Variants in SLC15A3 observed in about 807,000 individuals in gnomAD.
SLC15A3 encodes osteoclast transporter.
SLC15A3 carries 39 observed loss-of-function variants against 49.2 expected under a neutral mutation model. That is an observed-to-expected ratio of 0.79 (90% CI 0.61 to 1.04). The LOEUF is 1.04. Among genes scored for constraint, SLC15A3 ranks in the 50% least tolerant of loss-of-function variants. The pLI is 0.00. For synonymous variants in SLC15A3, 339 were observed against 367.0 expected, an observed-to-expected ratio of 0.92 and a Z score of 0.87; for missense variants, 758 against 794.8, an observed-to-expected ratio of 0.95 and a Z score of 0.56.
rs1012238156 is a variant in SLC15A3 at position 60,941,411 on chromosome 11, T to C, written c.1108-121A>G. 1.8e-5 allele frequency: 17 copies of C among 962,772 alleles called. 1 individual carries two copies. Among genetic ancestry groups the C allele is most frequent in the Admixed American group, 2.9e-5 (1 of 34,066 alleles). The allele number at this position is 962,772 out of a possible 1,614,324, so 59.6% of individuals were successfully genotyped here. ...CTGGGGTCCAGCTCCTTTCCCTCTC[T>C]GGAGTTCATGCTCCTCAGCTGTGTA... is the stretch of plus-strand genomic sequence containing the variant. On this transcript the variant is annotated intron_variant, in intron 4 of 7. Coordinates refer to ENST00000227880, the MANE Select transcript of SLC15A3 (RefSeq NM_016582.3).
chr11:60,946,421 G>C, intron 2 of SLC15A3, 111 bp downstream of exon 2: 3 of 1,241,742 alleles, frequency 2.4e-6, no homozygotes, highest in Admixed American at 2.7e-5. Context: ...ATCATAAAAA[G>C]CTATCACTGT....
At chr11:60,942,688 G>C (rs946701125) in intron 3 of SLC15A3, 1 of 154,552 alleles carries the variant, frequency 6.5e-6, no homozygotes, top group Non-Finnish European at 1.4e-5. Context: ...CTGGGGCAGG[G>C]GAGAGCATGT....
In SLC15A3 at chr11:60,939,816, T is replaced by C. The variant is rs182982774; in HGVS notation, c.1277-178A>G. On this transcript the variant is annotated intron_variant, in intron 5 of 7. Coordinates refer to ENST00000227880, the MANE Select transcript of SLC15A3 (RefSeq NM_016582.3). ...AGGGGGCCAAGATGTGACCAACTCC[T>C]CCCTTTTGGTCTTGGCTGCTAGAAG... 196 of 664,438 alleles carry C rather than the reference T, an allele frequency of 2.9e-4. 1 individual carries two copies. The highest frequency in any genetic ancestry group is 4.4e-4 in the Admixed American group (14 of 32,062). 41.2% of individuals were successfully genotyped at this position (664,438 alleles called of 1,614,324 possible). A position where few individuals can be genotyped will look rare whatever the true frequency, so the allele number is the denominator to read the frequency against.
At chr11:60,950,807 A>C (rs977502833) in intron 1 of SLC15A3, among the ~76,000 whole-genome samples, 187 bp downstream of exon 1, 2 of 152,252 alleles carry the variant, frequency 1.3e-5, no homozygotes, top group East Asian at 1.9e-4. Context: ...TAAAACAAAC[A>C]AAAAAACAAC....
Position 60,937,306 on chromosome 11 carries a change from AGCCGTG to A in SLC15A3, c.1653_1658del (p.Thr552_Ala553del), listed in dbSNP as rs1856631227. The A allele has an allele frequency of 6.2e-7, 1 of 1,613,966 alleles. No homozygotes were observed. Among genetic ancestry groups the A allele is most frequent in the Admixed American group, 1.7e-5 (1 of 59,994 alleles). ...GTCCAGCGATCCAGACAAATAGGAGAGCCGTGACGGCCTGAATGCCAGCCAGCAGGA... is the reference window on the plus strand; with the variant it reads ...GTCCAGCGATCCAGACAAATAGGAGAACGGCCTGAATGCCAGCCAGCAGGA... On this transcript the variant is annotated inframe_deletion, in exon 8 of 8. Coordinates refer to ENST00000227880, the MANE Select transcript of SLC15A3 (RefSeq NM_016582.3).
intron 2 of SLC15A3, among the ~76,000 whole-genome samples, chr11:60,944,542 C>A (rs1856773304): frequency 6.6e-6 from 1 of 152,184 alleles, no homozygotes; most frequent in Admixed American, 6.5e-5. Context: ...TGTGGCCCCT[C>A]TGAGTCCTGA....
chr11:60,947,800 G>A (rs1371888433), intron 1 of SLC15A3: 1 of 152,150 alleles, frequency 6.6e-6, no homozygotes, highest in Non-Finnish European at 1.5e-5. Context: ...ATCAGCAACA[G>A]CCAGGCCCCA....
At position 60,943,777 on chromosome 11, in the gene SLC15A3, G is replaced by T. The variant is rs77943698; in HGVS notation, c.908C>A (p.Pro303Gln). ...DERSPQPGASPQEDIANFQVL... is the reference protein window; with the variant it reads ...DERSPQPGASQQEDIANFQVL... ...CTGGAAGTTGGCGATGTCCTCTTGCGGGGAAGCCCCTGGCTGGGGAGACCT... is the reference window on the plus strand; with the variant it reads ...CTGGAAGTTGGCGATGTCCTCTTGCTGGGAAGCCCCTGGCTGGGGAGACCT... Residue 303 changes from proline (P) to glutamine (Q), a missense_variant, in exon 3 of 8, where the codon CCG (proline) becomes CAG (glutamine). Pro to Gln is a moderately conservative substitution (Grantham distance 76). Around this residue, in one of 3 missense-constraint regions of SLC15A3, gnomAD observed 699 missense variants for 706.7 expected, o/e 0.99. Transcript: ENST00000227880. The T allele has an allele frequency of 7.0e-3, 11,239 of 1,603,946 alleles. 417 individuals are homozygous for T. The African/African-American group carries it at 0.084, about 12-fold the overall frequency.
In SLC15A3 at chr11:60,946,668, C is replaced by T. The variant is rs1268343446; in HGVS notation, c.712G>A (p.Gly238Ser). The change falls in exon 2 of 8, where the codon GGC (glycine) becomes AGC (serine). Residue 238 changes from glycine (G) to serine (S), a missense_variant. Coordinates refer to ENST00000227880, the MANE Select transcript of SLC15A3 (RefSeq NM_016582.3). ...LGYSIPVGCV[G>S]LAFFIFLFAT... ...AAGAGGAAGATGAAAAATGCCAGGC[C>T]CACACAGCCCACAGGGATGCTGTAG... 3 of 1,614,012 alleles carry T rather than the reference C, an allele frequency of 1.9e-6. No individual in the cohort carries two copies. Among genetic ancestry groups the T allele is most frequent in the Middle Eastern group, 1.6e-4 (1 of 6,084 alleles).
At chr11:60,949,557 AAAG>A (rs1565129985) in intron 1 of SLC15A3, among the ~76,000 whole-genome samples, 3,664 of 83,066 alleles carry the variant, frequency 0.044, 153 homozygotes, top group South Asian at 0.1. Context: ...AGAAAGAAAG[AAAG>A]AAAGAAAGAA....
intron 1 of SLC15A3, among the ~76,000 whole-genome samples, chr11:60,948,714 A>T (rs1856841504): frequency 6.6e-6 from 1 of 152,224 alleles, no homozygotes; most frequent in African/African-American, 2.4e-5. Flanking sequence ...TCAGGTCCCG[A>T]CTTCATGAGG....
At chr11:60,940,979 C>T in intron 5 of SLC15A3, 143 bp downstream of exon 5, 1 of 835,546 alleles carries the variant, frequency 1.2e-6, no homozygotes, top group Non-Finnish European at 1.8e-6. Flanking sequence ...TCTCTTTCAG[C>T]TTGCACCTCT....
At position 60,941,110 on chromosome 11, in the gene SLC15A3, C is replaced by T. The variant is rs1364243724; in HGVS notation, c.1276+12G>A. On this transcript the variant is annotated intron_variant, in intron 5 of 7. Transcript: ENST00000227880. ...CAAAGTTCAGCCCCCTGCCCCACAC[C>T]CCTCTGCACACCTGCCACAATGACG... 1.2e-6 allele frequency: 2 copies of T among 1,607,378 alleles called. No individual in the cohort carries two copies. Among genetic ancestry groups the T allele is most frequent in the Non-Finnish European group, 1.7e-6 (2 of 1,175,876 alleles).
intron 2 of SLC15A3, among the ~76,000 whole-genome samples, chr11:60,944,521 C>T (rs976878253): frequency 8.5e-5 from 13 of 152,170 alleles, no homozygotes; most frequent in African/African-American, 1.2e-4. Context: ...AGACTCATTC[C>T]GCTCTAGAGC....
intron 1 of SLC15A3, among the ~76,000 whole-genome samples, chr11:60,950,185 C>G (rs1050073279): frequency 6.6e-6 from 1 of 152,210 alleles, no homozygotes; most frequent in African/African-American, 2.4e-5. Flanking sequence ...AAAGGCAGAG[C>G]TGGGATCTGA....
chr11:60,943,470 A>C, intron 3 of SLC15A3: 1 of 391,306 alleles, frequency 2.6e-6, no homozygotes, highest in Non-Finnish European at 4.5e-6. Context: ...AGCAGGAGGA[A>C]GCTGTCTCCA....
In SLC15A3 at chr11:60,951,633, C is replaced by A; in HGVS notation, c.-82G>T. On this transcript the variant is annotated 5_prime_UTR_variant, in exon 1 of 8. In the 5' UTR this introduces an upstream ATG that the reference lacks. Coordinates refer to ENST00000227880, the MANE Select transcript of SLC15A3 (RefSeq NM_016582.3). ...GAGCCCTGCACTCCTGCCCCCGGGCCTCGGCCCTCTCCCCCACCCAACTGG... is the reference window on the plus strand; with the variant it reads ...GAGCCCTGCACTCCTGCCCCCGGGCATCGGCCCTCTCCCCCACCCAACTGG... The A allele has an allele frequency of 2.0e-6, 2 of 1,016,902 alleles. No homozygotes were observed. The highest frequency in any genetic ancestry group is 2.4e-6 in the Non-Finnish European group (2 of 842,328). The allele number at this position is 1,016,902 out of a possible 1,614,324, so 63.0% of individuals were successfully genotyped here.
chr11:60,943,898 C>T lies in SLC15A3; in HGVS notation c.849-62G>A, dbSNP rs144882771. On this transcript the variant is annotated intron_variant, in intron 2 of 7. Transcript: ENST00000227880. ...CAAGGCTGGGCTTGGTGGCTTATGCCTGTAATCCCAGCACTTTGGGAGGCT... is the reference window on the plus strand; with the variant it reads ...CAAGGCTGGGCTTGGTGGCTTATGCTTGTAATCCCAGCACTTTGGGAGGCT... 1,559 of 1,401,078 alleles carry T rather than the reference C, an allele frequency of 1.1e-3. 14 individuals carry two copies. The African/African-American group carries it at 0.021, about 19-fold the overall frequency. The allele number at this position is 1,401,078 out of a possible 1,614,324, so 86.8% of individuals were successfully genotyped here. A position where few individuals can be genotyped will look rare whatever the true frequency, so the allele number is the denominator to read the frequency against.
In SLC15A3 at chr11:60,949,407, GAAGAAAGAAAGAAAGAAGGAAAGA is replaced by G. The variant is rs949886659; in HGVS notation, c.558+1563_558+1586del. 4.2e-4 allele frequency among the ~76,000 whole-genome samples: 38 copies of G among 91,058 alleles called. 2 individuals are homozygous for G. The South Asian group carries it at 0.018, about 43-fold the overall frequency. 59.7% of individuals were successfully genotyped at this position (91,058 alleles called of 152,430 possible). A position where few individuals can be genotyped will look rare whatever the true frequency, so the allele number is the denominator to read the frequency against. On this transcript the variant is annotated intron_variant, in intron 1 of 7. Coordinates refer to ENST00000227880, the MANE Select transcript of SLC15A3 (RefSeq NM_016582.3). ...GAGAGAGAGAGAAAGAGAAAGAAAGGAAGAAAGAAAGAAAGAAGGAAAGAAAGAAAGAAAGAAAGAAAGAGAAAG... is the reference window on the plus strand; with the variant it reads ...GAGAGAGAGAGAAAGAGAAAGAAAGGAAGAAAGAAAGAAAGAAAGAGAAAG...
Sources: allele counts gnomAD v4.1 joint callset (sites outside exome capture counted in the v4.1 genomes callset), GRCh38; gene constraint gnomAD v4.1.1; regional missense constraint gnomAD v4.1.1; transcripts MANE v1.5; gene names NCBI Gene and HGNC (gene_info 2026-07-23, HGNC 2026-07-21).